P2RX3: variants seen among roughly 807,000 people sequenced by gnomAD.
The protein encoded by P2RX3 is P2X purinoceptor 3.
P2RX3 carries 41 observed loss-of-function variants against 51.5 expected under a neutral mutation model. The observed-to-expected ratio is 0.80, with a 90% CI of 0.62 to 1.03. The LOEUF is 1.03. Ranked by LOEUF, P2RX3 falls within the 50% of genes least tolerant of loss-of-function variation. P2RX3 has a pLI of 0.00. For synonymous variants in P2RX3, 185 were observed against 191.6 expected, an observed-to-expected ratio of 0.97 and a Z score of 0.29; for missense variants, 459 against 522.1, an observed-to-expected ratio of 0.88 and a Z score of 1.18.
At position 57,361,665 on chromosome 11, in the gene P2RX3, C is replaced by T. The variant is rs576018928; in HGVS notation, c.843-6344C>T. 3.3e-5 allele frequency among the ~76,000 whole-genome samples: 5 copies of T among 152,272 alleles called. No homozygotes were observed. The South Asian group carries it at 1.0e-3, about 32-fold the overall frequency. On this transcript the variant is annotated intron_variant, in intron 8 of 11. Transcript: ENST00000263314. ...TGCATAGTATTCCATGGTATATATA[C>T]CACATTTTCTTTATCCAGTCTATCA...
At chr11:57,353,905 C>T (rs531850828) in intron 8 of P2RX3, among the ~76,000 whole-genome samples, 1 of 3,168 alleles carries the variant, frequency 3.2e-4, no homozygotes, top group South Asian at 0.022. Flanking sequence ...GAATTTATAG[C>T]TGTTGAAGTT....
At chr11:57,348,485 C>T in intron 5 of P2RX3, 142 bp from the exon 6 acceptor site, 1 of 734,628 alleles carries the variant, frequency 1.4e-6, no homozygotes, top group Admixed American at 2.5e-5. Context: ...CAGCCCCTTC[C>T]TATAGCCCAC....
Position 57,368,031 on chromosome 11 carries a change from G to A in P2RX3, c.865G>A (p.Glu289Lys), listed in dbSNP as rs1227161427. 2 of 1,614,176 alleles carry A rather than the reference G, an allele frequency of 1.2e-6. No homozygotes were observed. Among genetic ancestry groups the A allele is most frequent in the Admixed American group, 1.7e-5 (1 of 60,024 alleles). The change falls in exon 9 of 12, where the codon GAA (glutamate) becomes AAA (lysine). Residue 289 changes from glutamate (E) to lysine (K), a missense_variant. Transcript: ENST00000263314. ...CAGGTTTGCCAAGTACTACAAAATG[G>A]AAAATGGCAGTGAGTACCGCACCCT... Reference protein sequence around the residue: ...NFRFAKYYKMENGSEYRTLLK... With the variant: ...NFRFAKYYKMKNGSEYRTLLK...
At chr11:57,360,615 C>T (rs1241623991) in intron 8 of P2RX3, among the ~76,000 whole-genome samples, 1 of 151,046 alleles carries the variant, frequency 6.6e-6, no homozygotes, top group African/African-American at 2.4e-5. Context: ...ACATGGTGAA[C>T]CCCTGTCTCT....
chr11:57,348,036 T>A, intron 4 of P2RX3, 134 bp from the exon 5 acceptor site: 1 of 758,320 alleles, frequency 1.3e-6, no homozygotes, highest in Non-Finnish European at 2.1e-6. Flanking sequence ...AGGAGAGAAG[T>A]CAGCTCCCTT....
At chr11:57,341,186 A>C (rs908706166) in intron 1 of P2RX3, among the ~76,000 whole-genome samples, 2 of 152,166 alleles carry the variant, frequency 1.3e-5, no homozygotes, top group African/African-American at 4.8e-5. Flanking sequence ...ATTCCCTGGA[A>C]GTGGAAGGAG....
chr11:57,337,202 G>C (rs1856239920), upstream of P2RX3, among the ~76,000 whole-genome samples: 1 of 148,076 alleles, frequency 6.8e-6, no homozygotes, highest in African/African-American at 2.5e-5. Flanking sequence ...TGAGGCATGA[G>C]AATTGCTTGA....
intron 8 of P2RX3, among the ~76,000 whole-genome samples, chr11:57,353,729 C>T (rs1173441779): frequency 6.6e-6 from 1 of 151,968 alleles, no homozygotes; most frequent in Non-Finnish European, 1.5e-5. Context: ...TGGAATTATT[C>T]AGCCAAGATT....
At chr11:57,363,273 G>A (rs1239692313) in intron 8 of P2RX3, among the ~76,000 whole-genome samples, 1 of 152,166 alleles carries the variant, frequency 6.6e-6, no homozygotes, top group Non-Finnish European at 1.5e-5. Flanking sequence ...ACATCTCTCA[G>A]CCATGAAATT....
At chr11:57,354,906 A>G (rs977995124) in intron 8 of P2RX3, among the ~76,000 whole-genome samples, 1 of 152,236 alleles carries the variant, frequency 6.6e-6, no homozygotes, top group Non-Finnish European at 1.5e-5. Context: ...CGGAAACCAC[A>G]CAGATAGTGC....
At chr11:57,348,572 C>T (rs116919616) in intron 5 of P2RX3, 55 bp from the exon 6 acceptor site, 35,790 of 1,476,448 alleles carry the variant, frequency 0.024, 525 homozygotes, top group South Asian at 0.033. Context: ...AGGTGAAAGC[C>T]TTCATTTCCC....
Position 57,370,796 on chromosome 11 carries a change from C to T in P2RX3, c.*799C>T, listed in dbSNP as rs1856874093. On this transcript the variant is annotated 3_prime_UTR_variant, in exon 12 of 12. Coordinates refer to ENST00000263314, the MANE Select transcript of P2RX3 (RefSeq NM_002559.5). ...GGTCATTCTTGTTCTTCTCTGGGAC[C>T]CCACACCCACACACATCTGGGCCCC... Among the ~76,000 whole-genome samples, 1 of 152,188 alleles carries T rather than the reference C, an allele frequency of 6.6e-6. No homozygotes were observed. The highest frequency in any genetic ancestry group is 2.1e-4 in the South Asian group (1 of 4,836).
At chr11:57,349,708 C>T (rs753228859) in intron 6 of P2RX3, 49 bp from the exon 7 acceptor site, 2 of 1,611,118 alleles carry the variant, frequency 1.2e-6, no homozygotes, top group Non-Finnish European at 8.5e-7. Flanking sequence ...TTGCACAAGA[C>T]GATCTTCCCA....
rs1439645607 is a variant in P2RX3, at chr11:57,370,261, C to T, written c.*264C>T. 1.0e-5 allele frequency: 5 copies of T among 483,512 alleles called. No individual in the cohort carries two copies. The highest frequency in any genetic ancestry group is 1.9e-5 in the Non-Finnish European group (5 of 268,824). 30.0% of individuals were successfully genotyped at this position (483,512 alleles called of 1,614,324 possible). A position where few individuals can be genotyped will look rare whatever the true frequency, so the allele number is the denominator to read the frequency against. On this transcript the variant is annotated 3_prime_UTR_variant, in exon 12 of 12. Transcript: ENST00000263314. The stretch of plus-strand genomic sequence containing the variant: ...GGGGCAGGAGCACCTGAGCCATCCC[C>T]TTCCCAAAGAGTAGAGATTATAATG...
chr11:57,336,173 CA>C (rs1856217711), upstream of P2RX3, among the ~76,000 whole-genome samples: 1 of 152,080 alleles, frequency 6.6e-6, no homozygotes, highest in African/African-American at 2.4e-5. Context: ...CGTTTCTCTG[CA>C]AAATAGTTTC....
At position 57,349,755 on chromosome 11, in the gene P2RX3, A is replaced by AG; in HGVS notation, c.566dup. ...CTGACCTCTCTCTCTGCTCCTCCCC[A>AG]GGGGAAACCTCCTTCCCAACCTGAC... On this transcript the variant is annotated splice_acceptor_variant, in intron 6 of 11. Transcript: ENST00000263314. LOFTEE classifies it high-confidence loss of function. 6.2e-7 allele frequency: 1 copy of AG among 1,614,090 alleles called. No individual in the cohort carries two copies. The highest frequency in any genetic ancestry group is 1.1e-5 in the South Asian group (1 of 91,058).
chr11:57,351,308 A>T (rs899351118), intron 8 of P2RX3, among the ~76,000 whole-genome samples: 3 of 152,202 alleles, frequency 2.0e-5, no homozygotes, highest in African/African-American at 7.2e-5. Flanking sequence ...AGTAAGGGTG[A>T]TAACTGGTAT....
At chr11:57,356,789 C>A (rs1856637737) in intron 8 of P2RX3, among the ~76,000 whole-genome samples, 1 of 150,870 alleles carries the variant, frequency 6.6e-6, no homozygotes, top group African/African-American at 2.4e-5. Context: ...GGGAAGTGTA[C>A]TTGCTTGAAT....
At position 57,348,179 on chromosome 11, in the gene P2RX3, C is replaced by G; in HGVS notation, c.401C>G (p.Thr134Ser). The change falls in exon 5 of 12, where the codon ACT (threonine) becomes AGT (serine). Residue 134 changes from threonine to serine, a missense_variant. By Grantham distance (58) the Thr-to-Ser change is moderately conservative (BLOSUM62 1). Coordinates refer to ENST00000263314, the MANE Select transcript of P2RX3 (RefSeq NM_002559.5). The part of the protein sequence containing the change: ...PERLPGGGIL[T>S]GRCVNYSSVL... The stretch of plus-strand genomic sequence containing the variant: ...GTGGCTCTCACTTTAGGGATCCTCA[C>G]TGGCCGCTGCGTGAACTACAGCTCT... 3 of 1,586,308 alleles carry G rather than the reference C, an allele frequency of 1.9e-6. No individual in the cohort carries two copies. Among genetic ancestry groups the G allele is most frequent in the Non-Finnish European group, 2.6e-6 (3 of 1,165,928 alleles).
Sources: allele counts gnomAD v4.1 joint callset (sites outside exome capture counted in the v4.1 genomes callset), GRCh38; gene constraint gnomAD v4.1.1; transcripts MANE v1.5; gene names NCBI Gene and HGNC (gene_info 2026-07-23, HGNC 2026-07-21).